FAM222B: variants seen among roughly 807,000 people sequenced by gnomAD.
FAM222B encodes family with sequence similarity 222 member B.
In FAM222B, 12 loss-of-function variants were observed where a neutral mutation model predicts 38.0. The ratio of observed to expected loss-of-function variants is 0.32; its 90% CI spans 0.20 to 0.51. FAM222B has a LOEUF of 0.51. Among genes scored for constraint, FAM222B ranks in the 20% least tolerant of loss-of-function variants. The probability of loss-of-function intolerance (pLI) is 0.97; values close to 1 mark genes in which losing one functional copy is unlikely to be tolerated. For missense variants in FAM222B, 716 were observed against 754.2 expected (o/e 0.95, Z 0.59); for synonymous variants, 329 against 317.2 (o/e 1.04, Z -0.40).
chr17:28,778,287 T>C (rs1026543764), intron 1 of FAM222B, among the ~76,000 whole-genome samples: 3 of 151,794 alleles, frequency 2.0e-5, no homozygotes, highest in African/African-American at 7.3e-5. Context: ...TATATGATGT[T>C]CCCCTATGTC....
At chr17:28,848,756 A>G (rs1240491349) in intron 1 of FAM222B, 1 of 152,126 alleles carries the variant, frequency 6.6e-6, no homozygotes, top group African/African-American at 2.4e-5. Context: ...AGACTGTCTC[A>G]AAGAAAGAAA....
At chr17:28,771,037 G>A (rs2035608743) in intron 1 of FAM222B, among the ~76,000 whole-genome samples, 1 of 150,052 alleles carries the variant, frequency 6.7e-6, no homozygotes, top group East Asian at 1.9e-4. Context: ...AAAGGAGAGG[G>A]TGCAATGATG....
At chr17:28,797,148 G>A (rs1023819717) in intron 1 of FAM222B, among the ~76,000 whole-genome samples, 57 of 151,680 alleles carry the variant, frequency 3.8e-4, no homozygotes, top group African/African-American at 1.2e-3. Flanking sequence ...GATTACAGAC[G>A]TAAGTCACCA....
intron 1 of FAM222B, among the ~76,000 whole-genome samples, chr17:28,828,340 A>G (rs779556888): frequency 1.3e-5 from 2 of 151,720 alleles, no homozygotes; most frequent in Non-Finnish European, 2.9e-5. Context: ...TGGTGACCAG[A>G]TCACTTGATC....
chr17:28,808,035 C>T (rs2037572501), intron 1 of FAM222B, among the ~76,000 whole-genome samples: 1 of 152,188 alleles, frequency 6.6e-6, no homozygotes, highest in South Asian at 2.1e-4. Flanking sequence ...GACTGAACAG[C>T]TCTGAGGATA....
Position 28,785,734 on chromosome 17 carries a change from C to T in FAM222B, c.-40-19027G>A, listed in dbSNP as rs143934713. On this transcript the variant is annotated intron_variant, in intron 1 of 2. Coordinates refer to ENST00000581407, the MANE Select transcript of FAM222B (RefSeq NM_001077498.3). ...TTTTTTTTTGAGACAAAGTTTCACT[C>T]TTGTAGCCTAGGCTGGAGTGCAATG... 4.2e-4 allele frequency among the ~76,000 whole-genome samples: 64 copies of T among 151,088 alleles called. No individual in the cohort carries two copies. In the East Asian group the frequency reaches 0.011, roughly 25 times the overall value.
Position 28,759,151 on chromosome 17 carries a change from G to A in FAM222B, c.808C>T (p.His270Tyr). The stretch of plus-strand genomic sequence containing the variant: ...GTCTGGCAAAACTGGTTGATCTGGT[G>A]CACGATGCTACTCAGGTCCGGAGGC... ...SQPPDLSSIV[H>Y]QINQFCQTRA... is the part of the protein sequence containing the mutation. The change falls in exon 3 of 3, where the codon CAC (histidine) becomes TAC (tyrosine). Residue 270 changes from histidine to tyrosine, a missense_variant. Coordinates refer to ENST00000581407, the MANE Select transcript of FAM222B (RefSeq NM_001077498.3). The surrounding 1 kb of genome is among the most constrained non-coding windows in gnomAD (Gnocchi z 4.8). 2 of 1,612,518 alleles carry A rather than the reference G, an allele frequency of 1.2e-6. No individual in the cohort carries two copies. Among genetic ancestry groups the A allele is most frequent in the Admixed American group, 1.7e-5 (1 of 59,706 alleles).
chr17:28,768,564 C>T (rs1384371381), intron 1 of FAM222B, among the ~76,000 whole-genome samples: 3 of 151,776 alleles, frequency 2.0e-5, no homozygotes, highest in South Asian at 2.1e-4. Context: ...TGGCCGGGCA[C>T]GGTGGCTCAC....
upstream of FAM222B, among the ~76,000 whole-genome samples, chr17:28,844,250 A>C (rs898012144): frequency 2.0e-5 from 3 of 151,756 alleles, no homozygotes; most frequent in Non-Finnish European, 4.4e-5. Flanking sequence ...TTCTCTCTCA[A>C]CTCCAGCGCT....
At chr17:28,779,800 T>C (rs150426494) in intron 1 of FAM222B, among the ~76,000 whole-genome samples, 87 of 147,464 alleles carry the variant, frequency 5.9e-4, no homozygotes, top group African/African-American at 2.1e-3. Flanking sequence ...ATAAAGCATC[T>C]GACAAAATTC....
intron 1 of FAM222B, among the ~76,000 whole-genome samples, chr17:28,822,448 AC>A: frequency 6.9e-6 from 1 of 144,006 alleles, no homozygotes; most frequent in Non-Finnish European, 1.5e-5. Flanking sequence ...ACATGGTGAA[AC>A]CCCGTCTCTA....
rs74933453 is a variant in FAM222B, at chr17:28,772,295, C to T, written c.-40-5588G>A. Among the ~76,000 whole-genome samples, 869 of 152,112 alleles carry T rather than the reference C, an allele frequency of 5.7e-3. 5 individuals are homozygous for T. The highest frequency in any genetic ancestry group is 0.02 in the African/African-American group (827 of 41,520). On this transcript the variant is annotated intron_variant, in intron 1 of 2. Coordinates refer to ENST00000581407, the MANE Select transcript of FAM222B (RefSeq NM_001077498.3). The stretch of plus-strand genomic sequence containing the variant: ...ACTTTATGAATCCAGAAAGAGCCAA[C>T]GTTTGAATGATTACTGCAATCTCAC...
At chr17:28,797,768 G>C (rs1045139645) in intron 1 of FAM222B, among the ~76,000 whole-genome samples, 4 of 152,078 alleles carry the variant, frequency 2.6e-5, no homozygotes, top group Admixed American at 6.6e-5. Context: ...CACATATAAA[G>C]ATACTAGAAA....
chr17:28,787,474 A>G lies in FAM222B; in HGVS notation c.-40-20767T>C, dbSNP rs114402024. Among the ~76,000 whole-genome samples the G allele has an allele frequency of 3.8e-3, 582 of 152,302 alleles. 3 individuals carry two copies. Among genetic ancestry groups the G allele is most frequent in the African/African-American group, 0.013 (553 of 41,562 alleles). On this transcript the variant is annotated intron_variant, in intron 1 of 2. Transcript: ENST00000581407. Reference sequence around the variant, plus strand: ...ACATTGCTTGTCACTGAGACTCACTATAACTTGAAGATTTATGGTTCACGC... The same window carrying G: ...ACATTGCTTGTCACTGAGACTCACTGTAACTTGAAGATTTATGGTTCACGC...
chr17:28,817,896 A>G (rs1198629115), intron 1 of FAM222B, among the ~76,000 whole-genome samples: 2 of 152,186 alleles, frequency 1.3e-5, no homozygotes, highest in African/African-American at 4.8e-5. Flanking sequence ...GCCTATCCAA[A>G]TTGGCTTTTT....
rs1372756438 is a variant in FAM222B, at chr17:28,757,481, A to C, written c.*789T>G. ...TTTTGTTTTTGTTGAGGGGGAAAGG[A>C]TAGGGGCTGTGGGGAGGTGAGTTAG... On this transcript the variant is annotated 3_prime_UTR_variant, in exon 3 of 3. Transcript: ENST00000581407. 3 of 151,410 alleles carry C rather than the reference A, an allele frequency of 2.0e-5. No individual in the cohort carries two copies. The highest frequency in any genetic ancestry group is 7.3e-5 in the African/African-American group (3 of 41,122). The allele number at this position is 151,410 out of a possible 1,614,324, so 9.4% of individuals were successfully genotyped here.
intron 1 of FAM222B, among the ~76,000 whole-genome samples, chr17:28,840,280 T>G (rs2038991825): frequency 6.6e-6 from 1 of 152,016 alleles, no homozygotes; most frequent in Non-Finnish European, 1.5e-5. Context: ...GCAGGAGAAC[T>G]GCTTGAACCC....
At chr17:28,851,626 C>G (rs528718916) in intron 1 of FAM222B, among the ~76,000 whole-genome samples, 2 of 151,808 alleles carry the variant, frequency 1.3e-5, no homozygotes, top group East Asian at 3.9e-4. Flanking sequence ...CCCTGTAATC[C>G]CAGCACTTTG....
Position 28,767,913 on chromosome 17 carries a change from C to A in FAM222B, c.-40-1206G>T, listed in dbSNP as rs536472763. ...AGACCTCCTGAACTACCTCTCCCAC[C>A]CCCTCAAAAGAAATGCATTGCTCCC... On this transcript the variant is annotated intron_variant, in intron 1 of 2. Transcript: ENST00000581407. Among the ~76,000 whole-genome samples the A allele has an allele frequency of 2.0e-5, 3 of 152,230 alleles. No homozygotes were observed. In the South Asian group the frequency reaches 6.2e-4, roughly 32 times the overall value.
Sources: allele counts gnomAD v4.1 joint callset (sites outside exome capture counted in the v4.1 genomes callset), GRCh38; gene constraint gnomAD v4.1.1; non-coding constraint Gnocchi (gnomAD v3.1); transcripts MANE v1.5; gene names NCBI Gene and HGNC (gene_info 2026-07-23, HGNC 2026-07-21).